Variants in MYT1L observed in about 807,000 individuals in gnomAD.
The protein encoded by MYT1L is myelin transcription factor 1-like protein.
Under a neutral mutation model 126.7 loss-of-function variants are expected in MYT1L, and 12 were observed. The observed-to-expected ratio is 0.09, with a 90% CI of 0.06 to 0.15. MYT1L has a LOEUF of 0.15. Among genes scored for constraint, MYT1L ranks in the 10% least tolerant of loss-of-function variants. The pLI is 1.00. For missense variants in MYT1L, 979 were observed against 1,585.2 expected (o/e 0.62, Z 6.49); for synonymous variants, 541 against 604.2 (o/e 0.90, Z 1.53).
chr2:2,287,787 C>A (rs961033108), intron 1 of MYT1L, among the ~76,000 whole-genome samples: 38 of 152,182 alleles, frequency 2.5e-4, no homozygotes, highest in African/African-American at 8.9e-4. Context: ...GATATCACCA[C>A]GTTTTAGGCA....
intron 1 of MYT1L, among the ~76,000 whole-genome samples, chr2:2,293,205 T>C (rs2149473832): frequency 6.6e-6 from 1 of 152,250 alleles, no homozygotes; most frequent in East Asian, 1.9e-4. Context: ...ACGGCAGCTG[T>C]GTCCATCTTC....
chr2:2,247,866 A>T (rs2094563524), intron 2 of MYT1L, among the ~76,000 whole-genome samples: 2 of 152,134 alleles, frequency 1.3e-5, no homozygotes, highest in Non-Finnish European at 2.9e-5. Flanking sequence ...ACATACCGAA[A>T]CCTATGGAAT....
intron 3 of MYT1L, among the ~76,000 whole-genome samples, chr2:2,116,858 G>T (rs1464799917): frequency 6.6e-6 from 1 of 152,226 alleles, no homozygotes; most frequent in Non-Finnish European, 1.5e-5. Context: ...CAAGGCCCGG[G>T]GGCCAGACCT....
chr2:2,053,506 G>A (rs1333593440), intron 4 of MYT1L, among the ~76,000 whole-genome samples: 1 of 152,134 alleles, frequency 6.6e-6, no homozygotes, highest in African/African-American at 2.4e-5. Flanking sequence ...TGGCAGCAAG[G>A]GACGTTTGTC....
At chr2:1,973,260 T>A (rs894358416) in intron 8 of MYT1L, among the ~76,000 whole-genome samples, 5 of 152,242 alleles carry the variant, frequency 3.3e-5, no homozygotes, top group Non-Finnish European at 7.3e-5. Flanking sequence ...AAAATTCAAA[T>A]TTCTGTAATC....
At chr2:1,891,925 A>G (rs1175030574) in intron 15 of MYT1L, 112 bp downstream of exon 15, 9 of 1,426,784 alleles carry the variant, frequency 6.3e-6, no homozygotes, top group African/African-American at 1.5e-5. Context: ...TTAGGAGATC[A>G]CGGCGTTTGC....
chr2:2,197,215 G>A (rs751740485), intron 2 of MYT1L, among the ~76,000 whole-genome samples: 1 of 152,054 alleles, frequency 6.6e-6, no homozygotes, highest in African/African-American at 2.4e-5. Context: ...GAGGAAACAG[G>A]TCAGAAAAGA....
At chr2:1,827,436 A>T (rs1231479607) in intron 21 of MYT1L, 2 of 152,140 alleles carry the variant, frequency 1.3e-5, no homozygotes, top group African/African-American at 2.4e-5. Flanking sequence ...AGCCCCTGGC[A>T]ATGTGGTCCT....
chr2:2,032,483 C>A lies in MYT1L; in HGVS notation c.-158+21495G>T, dbSNP rs184999375. 9.4e-3 allele frequency among the ~76,000 whole-genome samples: 1,263 copies of A among 134,794 alleles called. 6 individuals are homozygous for A. Among genetic ancestry groups the A allele is most frequent in the African/African-American group, 0.035 (1,150 of 32,860 alleles). 88.4% of individuals were successfully genotyped at this position (134,794 alleles called of 152,430 possible). ...TCTAGAAGGAGGGCCTTACACACAC[C>A]CCTCCCCAGTGCCTCTCATCCTGTG... On this transcript the variant is annotated intron_variant, in intron 4 of 24. Coordinates refer to ENST00000647738, the MANE Select transcript of MYT1L (RefSeq NM_001303052.2).
At chr2:2,176,980 A>T (rs564897986) in intron 2 of MYT1L, among the ~76,000 whole-genome samples, 1 of 152,290 alleles carries the variant, frequency 6.6e-6, no homozygotes, top group South Asian at 2.1e-4. Flanking sequence ...ACCTAAAGCC[A>T]CAATTGCATT....
chr2:2,002,884 T>C (rs2062541422), intron 4 of MYT1L, among the ~76,000 whole-genome samples: 1 of 152,156 alleles, frequency 6.6e-6, no homozygotes, highest in South Asian at 2.1e-4. Context: ...CACTTCTCCT[T>C]CCTGCCACCT....
At chr2:1,851,327 G>C (rs538956969) in intron 19 of MYT1L, among the ~76,000 whole-genome samples, 30 of 152,238 alleles carry the variant, frequency 2.0e-4, no homozygotes, top group Admixed American at 2.0e-4. Flanking sequence ...TCTTATAGTA[G>C]ATACTGTTCT....
At chr2:2,010,230 A>T (rs2063696922) in intron 4 of MYT1L, among the ~76,000 whole-genome samples, 1 of 152,162 alleles carries the variant, frequency 6.6e-6, no homozygotes, top group Non-Finnish European at 1.5e-5. Flanking sequence ...GGAAGGTGAG[A>T]CGTACAGGCA....
chr2:2,178,929 T>G (rs1572177916), intron 2 of MYT1L, among the ~76,000 whole-genome samples: 3 of 152,186 alleles, frequency 2.0e-5, no homozygotes, highest in Admixed American at 2.0e-4. Context: ...GCAGTGAATT[T>G]TATTAATAAC....
At chr2:2,052,106 C>T (rs184670995) in intron 4 of MYT1L, among the ~76,000 whole-genome samples, 1 of 152,052 alleles carries the variant, frequency 6.6e-6, no homozygotes, top group Non-Finnish European at 1.5e-5. Context: ...AGAAACAGAC[C>T]AGTAGAACAG....
At chr2:1,834,143 C>T (rs148646694) in intron 21 of MYT1L, among the ~76,000 whole-genome samples, 1 of 152,256 alleles carries the variant, frequency 6.6e-6, no homozygotes, top group African/African-American at 2.4e-5. Flanking sequence ...ACTTCTATTT[C>T]AATCTGTTCT....
intron 11 of MYT1L, among the ~76,000 whole-genome samples, chr2:1,916,217 T>A (rs1332273452): frequency 1.3e-5 from 2 of 152,220 alleles, no homozygotes; most frequent in African/African-American, 4.8e-5. Context: ...AAGTCCCAAA[T>A]GCTCCTGAGA....
At chr2:2,267,385 C>G (rs76984554) in intron 2 of MYT1L, among the ~76,000 whole-genome samples, 1 of 152,076 alleles carries the variant, frequency 6.6e-6, no homozygotes, top group Admixed American at 6.5e-5. Flanking sequence ...AGGTAAAAAG[C>G]GGAGCAGAGT....
chr2:2,139,912 G>A (rs1276830017), intron 3 of MYT1L, among the ~76,000 whole-genome samples: 2 of 152,098 alleles, frequency 1.3e-5, no homozygotes, highest in African/African-American at 4.8e-5. Context: ...ATTCTTGTTT[G>A]TTCTATTCTT....
Sources: allele counts gnomAD v4.1 joint callset (sites outside exome capture counted in the v4.1 genomes callset), GRCh38; gene constraint gnomAD v4.1.1; transcripts MANE v1.5; gene names NCBI Gene and HGNC (gene_info 2026-07-23, HGNC 2026-07-21).